The following NLK variants were observed in gnomAD, a reference collection of about 807,000 sequenced individuals.
NLK encodes the protein nemo like kinase, also known as serine/threonine-protein kinase NLK.
In NLK, 11 loss-of-function variants were observed where a neutral mutation model predicts 59.0. That is an observed-to-expected ratio of 0.19 (90% confidence interval 0.12 to 0.31). The LOEUF is 0.31. NLK is among the 10% of genes least tolerant of loss of function. The pLI is 1.00. For synonymous variants in NLK, 235 were observed against 235.9 expected (o/e 1.00, Z 0.03); for missense variants, 410 against 661.1 (o/e 0.62, Z 4.16).
chr17:28,150,924 A>C (rs1162419656), intron 3 of NLK, among the ~76,000 whole-genome samples: 1 of 152,164 alleles, frequency 6.6e-6, no homozygotes, highest in Non-Finnish European at 1.5e-5. Context: ...ATCTTCATCC[A>C]ATGGTAACTT....
At chr17:28,202,995 T>C in the NLK span, among the ~76,000 whole-genome samples, 1 of 152,088 alleles carries the variant, frequency 6.6e-6, no homozygotes, top group Non-Finnish European at 1.5e-5. Context: ...TCTTCTTTAG[T>C]TATCCTGCTC....
chr17:28,196,425 C>T (rs940803932), downstream of NLK: 1 of 152,488 alleles, frequency 6.6e-6, no homozygotes, highest in African/African-American at 2.4e-5. Context: ...TTTGTTTTCT[C>T]TTCAGTACAG....
intron 2 of NLK, among the ~76,000 whole-genome samples, chr17:28,125,781 T>C (rs1383429558): frequency 6.6e-6 from 1 of 152,192 alleles, no homozygotes; most frequent in Non-Finnish European, 1.5e-5. Flanking sequence ...TGCTAGGTCA[T>C]GTGGAGGATA....
At chr17:28,104,792 ATG>A (rs756598094) in intron 1 of NLK, among the ~76,000 whole-genome samples, 1 of 152,188 alleles carries the variant, frequency 6.6e-6, no homozygotes, top group Non-Finnish European at 1.5e-5. Flanking sequence ...CTTACATGGA[ATG>A]CTGTAGATTC....
chr17:28,080,875 A>C (rs1453923369), intron 1 of NLK, among the ~76,000 whole-genome samples: 1 of 152,068 alleles, frequency 6.6e-6, no homozygotes, highest in Non-Finnish European at 1.5e-5. Flanking sequence ...TGAAGTAATC[A>C]GTTTAGCTTT....
At chr17:28,162,061 G>T (rs969161977) in intron 4 of NLK, among the ~76,000 whole-genome samples, 3 of 152,060 alleles carry the variant, frequency 2.0e-5, no homozygotes, top group Non-Finnish European at 2.9e-5. Context: ...TGTCGCCTAG[G>T]CTAGAGTGCA....
At chr17:28,120,235 GGTGTGTGTGTGTGTGTGTGTGTGT>G (rs10542547) in intron 1 of NLK, among the ~76,000 whole-genome samples, 3 of 139,184 alleles carry the variant, frequency 2.2e-5, no homozygotes, top group South Asian at 4.8e-4. Flanking sequence ...TTTGGCTTGG[GGTGTGTGTGTGTGTGTGTGTGTGT>G]GTGTGTGTGT....
At chr17:28,107,040 C>A (rs1447722379) in intron 1 of NLK, among the ~76,000 whole-genome samples, 4 of 152,164 alleles carry the variant, frequency 2.6e-5, no homozygotes, top group Non-Finnish European at 4.4e-5. Context: ...AAACACTACA[C>A]AACTAAGTAT....
chr17:28,147,516 T>C (rs1907304938), intron 3 of NLK, among the ~76,000 whole-genome samples: 1 of 152,174 alleles, frequency 6.6e-6, no homozygotes, highest in South Asian at 2.1e-4. Context: ...TCTGCTTTAA[T>C]TGGAGCAAGA....
In NLK at chr17:28,190,957, A is replaced by C. The variant is rs942961987; in HGVS notation, c.1237-64A>C. 2.3e-5 allele frequency: 27 copies of C among 1,167,140 alleles called. No individual in the cohort carries two copies. In the Admixed American group the frequency reaches 6.5e-4, roughly 28 times the overall value. 72.3% of individuals were successfully genotyped at this position (1,167,140 alleles called of 1,614,324 possible). On this transcript the variant is annotated intron_variant, in intron 8 of 10. Transcript: ENST00000407008. The stretch of plus-strand genomic sequence containing the variant: ...TCAAGCAGTTAATGTGTCTTTTGAA[A>C]GATCCTATGTGGACAGTCATTTTAT...
intron 1 of NLK, among the ~76,000 whole-genome samples, chr17:28,067,371 G>T (rs1163222908): frequency 6.6e-6 from 1 of 151,834 alleles, no homozygotes; most frequent in Non-Finnish European, 1.5e-5. Context: ...TATGTACATG[G>T]ACAATGCTTG....
rs538931685 is a variant in NLK at position 28,055,654 on chromosome 17, A to G, written c.458+12323A>G. On this transcript the variant is annotated intron_variant, in intron 1 of 10. Transcript: ENST00000407008. ...GCCACTGTGTCTGGCTGTTGTGAGGATTAAATGAATTATTATATATTTAAA... is the reference window on the plus strand; with the variant it reads ...GCCACTGTGTCTGGCTGTTGTGAGGGTTAAATGAATTATTATATATTTAAA... Among the ~76,000 whole-genome samples, 151 of 152,286 alleles carry G rather than the reference A, an allele frequency of 9.9e-4. 1 individual carries two copies. Among genetic ancestry groups the G allele is most frequent in the African/African-American group, 3.5e-3 (147 of 41,564 alleles).
intron 2 of NLK, among the ~76,000 whole-genome samples, chr17:28,127,174 AAAGTGACAG>A (rs754240682): frequency 1.3e-4 from 20 of 152,298 alleles, no homozygotes; most frequent in Non-Finnish European, 2.4e-4. Context: ...TGAGTGAATG[AAAGTGACAG>A]AAAAAAAGAA....
chr17:28,163,278 T>A (rs927565142), intron 4 of NLK, among the ~76,000 whole-genome samples: 1 of 152,252 alleles, frequency 6.6e-6, no homozygotes, highest in African/African-American at 2.4e-5. Flanking sequence ...CTCGAGTGCC[T>A]AAGAAGCTTA....
At position 28,162,245 on chromosome 17, in the gene NLK, G is replaced by A. The variant is rs150556644; in HGVS notation, c.751+979G>A. 6.7e-4 allele frequency among the ~76,000 whole-genome samples: 102 copies of A among 152,140 alleles called. 1 individual carries two copies. The East Asian group carries it at 0.017, about 26-fold the overall frequency. Reference sequence around the variant, plus strand: ...TTAGCCAGGATGATCTTGATCTCCCGACCTTGTGATCCTCCTGCCTCGGCC... The same window carrying A: ...TTAGCCAGGATGATCTTGATCTCCCAACCTTGTGATCCTCCTGCCTCGGCC... On this transcript the variant is annotated intron_variant, in intron 4 of 10. Transcript: ENST00000407008.
intron 3 of NLK, among the ~76,000 whole-genome samples, chr17:28,150,988 C>G (rs958185145): frequency 1.3e-5 from 2 of 152,176 alleles, no homozygotes; most frequent in Non-Finnish European, 2.9e-5. Flanking sequence ...GTTGGAGTGG[C>G]TGTCCCATTT....
intron 1 of NLK, among the ~76,000 whole-genome samples, chr17:28,114,856 T>C (rs991951644): frequency 3.3e-5 from 5 of 152,206 alleles, no homozygotes; most frequent in African/African-American, 4.8e-5. Context: ...ACACCAGTTA[T>C]TTAAACAGAG....
intron 1 of NLK, among the ~76,000 whole-genome samples, chr17:28,101,110 T>C (rs1904887065): frequency 6.6e-6 from 1 of 152,198 alleles, no homozygotes; most frequent in Non-Finnish European, 1.5e-5. Flanking sequence ...GGTCTGTTTT[T>C]GGACTTTGTG....
rs774525686 is a variant in NLK at position 28,194,625 on chromosome 17, G to C, written c.1573G>C (p.Val525Leu). Reference sequence around the variant, plus strand: ...ATCTGAGATGCCCCCATCTCCTCTGGTGTGGGAGTGATGGTGGAAGATAAT... The same window carrying C: ...ATCTGAGATGCCCCCATCTCCTCTGCTGTGGGAGTGATGGTGGAAGATAAT... ...QPSEMPPSPL[V>L]WE Residue 525 changes from valine (V) to leucine (L), a missense_variant, in exon 11 of 11, where the codon GTG becomes CTG. Around this residue, in one of 5 missense-constraint regions of NLK, gnomAD observed 25 missense variants for 29.7 expected, o/e 0.84. Coordinates refer to ENST00000407008, the MANE Select transcript of NLK (RefSeq NM_016231.5). 1.8e-5 allele frequency: 28 copies of C among 1,595,266 alleles called. No homozygotes were observed. Among genetic ancestry groups the C allele is most frequent in the South Asian group, 3.4e-5 (3 of 89,470 alleles).
Sources: allele counts gnomAD v4.1 joint callset (sites outside exome capture counted in the v4.1 genomes callset), GRCh38; gene constraint gnomAD v4.1.1; regional missense constraint gnomAD v4.1.1; transcripts MANE v1.5; gene names NCBI Gene and HGNC (gene_info 2026-07-23, HGNC 2026-07-21).